Variants in DENND1A observed in about 807,000 individuals in gnomAD.
DENND1A encodes DENN domain-containing protein 1A.
DENND1A carries 51 observed loss-of-function variants against 113.7 expected under a neutral mutation model. That is an observed-to-expected ratio of 0.45 (90% CI 0.36 to 0.57). The LOEUF (loss-of-function observed/expected upper bound fraction) is 0.57. Ranked by LOEUF, DENND1A falls within the 20% of genes least tolerant of loss-of-function variation. The pLI is 0.00. For missense variants in DENND1A, 1,258 were observed against 1,395.9 expected, an observed-to-expected ratio of 0.90 and a Z score of 1.57; for synonymous variants, 565 against 570.8, an observed-to-expected ratio of 0.99 and a Z score of 0.14.
intron 8 of DENND1A, among the ~76,000 whole-genome samples, chr9:123,660,124 G>A (rs923768162): frequency 3.3e-5 from 5 of 152,174 alleles, no homozygotes; most frequent in Admixed American, 3.3e-4. Context: ...CTGTGCTTAC[G>A]AGCAGACCTT....
intron 1 of DENND1A, among the ~76,000 whole-genome samples, chr9:123,882,501 A>G (rs1251984104): frequency 6.6e-6 from 1 of 152,094 alleles, no homozygotes; most frequent in Non-Finnish European, 1.5e-5. Flanking sequence ...AGAAAATTCT[A>G]CTGATTCTAC....
chr9:123,461,629 CAG>C (rs1159397683), intron 13 of DENND1A, among the ~76,000 whole-genome samples: 2 of 152,162 alleles, frequency 1.3e-5, no homozygotes, highest in African/African-American at 4.8e-5. Context: ...AGTTTGCAAC[CAG>C]ATTCGTAGAT....
exon 1 of DENND1A, chr9:123,930,123 GCGTGCCCGGCGCGCGCCGCC>G: frequency 5.3e-6 from 1 of 188,138 alleles, no homozygotes; most frequent in Middle Eastern, 2.1e-3. Flanking sequence ...TCGCCGGCGC[GCGTGCCCGGCGCGCGCCGCC>G]CCCTCCGCCT....
chr9:123,845,118 G>A (rs890547875), intron 2 of DENND1A, among the ~76,000 whole-genome samples: 2 of 151,938 alleles, frequency 1.3e-5, no homozygotes, highest in Non-Finnish European at 1.5e-5. Context: ...TACTCAGGAG[G>A]CTGAGACACA....
intron 5 of DENND1A, among the ~76,000 whole-genome samples, chr9:123,728,479 CAAAAAAAAAAAAAAAA>C (rs60761810): frequency 1.6e-4 from 4 of 25,184 alleles, no homozygotes; most frequent in Admixed American, 7.3e-4. Context: ...CTCTGTCTCC[CAAAAAAAAAAAAAAAA>C]AAAAAAAAAA....
chr9:123,855,091 C>A (rs1350560442), intron 2 of DENND1A, among the ~76,000 whole-genome samples: 1 of 151,286 alleles, frequency 6.6e-6, no homozygotes, highest in Non-Finnish European at 1.5e-5. Context: ...AAAAGCCTCA[C>A]AAACAACTGA....
chr9:123,574,210 T>G (rs78732159), intron 12 of DENND1A, among the ~76,000 whole-genome samples: 3,083 of 147,862 alleles, frequency 0.021, 82 homozygotes, highest in African/African-American at 0.063. Flanking sequence ...ATTATTTATC[T>G]GGTTTTCAAG....
chr9:123,889,187 T>G (rs1564451663), intron 1 of DENND1A, among the ~76,000 whole-genome samples: 1 of 152,258 alleles, frequency 6.6e-6, no homozygotes, highest in East Asian at 1.9e-4. Flanking sequence ...TCAGGAGGCT[T>G]GGGTTCAAAT....
intron 8 of DENND1A, among the ~76,000 whole-genome samples, chr9:123,660,918 A>G (rs1470973406): frequency 6.6e-6 from 1 of 152,244 alleles, no homozygotes; most frequent in African/African-American, 2.4e-5. Flanking sequence ...TTTGGTTGTC[A>G]CAGCTGGAGG....
chr9:123,925,993 T>C (rs774062053), intron 1 of DENND1A, among the ~76,000 whole-genome samples: 16 of 152,246 alleles, frequency 1.1e-4, no homozygotes, highest in Non-Finnish European at 2.2e-4. Flanking sequence ...ACAAGCAATA[T>C]TAAACTGCCA....
intron 13 of DENND1A, among the ~76,000 whole-genome samples, chr9:123,468,276 A>T (rs1369957523): frequency 2.0e-5 from 3 of 152,216 alleles, no homozygotes; most frequent in African/African-American, 7.2e-5. Flanking sequence ...TTAAGCAGGG[A>T]TGAATGAGAT....
chr9:123,808,617 A>T (rs1836006104), intron 2 of DENND1A, among the ~76,000 whole-genome samples: 1 of 152,124 alleles, frequency 6.6e-6, no homozygotes, highest in Admixed American at 6.5e-5. Context: ...CCTGAGATCA[A>T]GCAATCCCCC....
At chr9:123,589,424 A>G (rs2059350530) in intron 11 of DENND1A, among the ~76,000 whole-genome samples, 1 of 151,880 alleles carries the variant, frequency 6.6e-6, no homozygotes, top group South Asian at 2.1e-4. Context: ...GTTTCCTACT[A>G]TAAGTGAAGA....
chr9:123,850,051 A>T (rs1253927575), intron 2 of DENND1A, among the ~76,000 whole-genome samples: 1 of 152,242 alleles, frequency 6.6e-6, no homozygotes, highest in Non-Finnish European at 1.5e-5. Flanking sequence ...CATTGTAAAC[A>T]TTGTTGAAAT....
intron 5 of DENND1A, among the ~76,000 whole-genome samples, chr9:123,694,724 A>C (rs1173532627): frequency 6.6e-6 from 1 of 152,220 alleles, no homozygotes; most frequent in Admixed American, 6.5e-5. Context: ...TCTCTTAATT[A>C]ACCAGGATTC....
chr9:123,713,030 C>T (rs2066735781), intron 5 of DENND1A, among the ~76,000 whole-genome samples: 1 of 152,104 alleles, frequency 6.6e-6, no homozygotes, highest in African/African-American at 2.4e-5. Flanking sequence ...GTACTGAACT[C>T]CTAAGGTAGT....
intron 2 of DENND1A, among the ~76,000 whole-genome samples, chr9:123,840,201 T>C (rs1841624699): frequency 6.6e-6 from 1 of 151,904 alleles, no homozygotes. Flanking sequence ...GTACTGACCA[T>C]AAATGGTGTA....
chr9:123,497,136 T>A (rs1395778594), intron 13 of DENND1A, among the ~76,000 whole-genome samples: 1 of 152,194 alleles, frequency 6.6e-6, no homozygotes, highest in Admixed American at 6.5e-5. Flanking sequence ...ACAGTCCCCA[T>A]CAGGGCAGCA....
At position 123,758,156 on chromosome 9, in the gene DENND1A, A is replaced by G. The variant is rs2070738217; in HGVS notation, c.183-334T>C. Among the ~76,000 whole-genome samples, 4 of 152,190 alleles carry G rather than the reference A, an allele frequency of 2.6e-5. No individual in the cohort carries two copies. The South Asian group carries it at 8.3e-4, about 31-fold the overall frequency. On this transcript the variant is annotated intron_variant, in intron 4 of 23. Transcript: ENST00000394215. ...AACCTCATTTTGCTGATGAAGAAAT[A>G]GTCTAGAGAGGCATTGCCTAAGGTC... is the stretch of plus-strand genomic sequence containing the variant.
Sources: allele counts gnomAD v4.1 joint callset (sites outside exome capture counted in the v4.1 genomes callset), GRCh38; gene constraint gnomAD v4.1.1; transcripts MANE v1.5; gene names NCBI Gene and HGNC (gene_info 2026-07-23, HGNC 2026-07-21).